Variants in LAMA3 observed in about 807,000 individuals in gnomAD.
LAMA3 encodes laminin subunit alpha-3.
A neutral mutation model predicts 402.0 loss-of-function variants in LAMA3; 281 were observed. That is an observed-to-expected ratio of 0.70 (90% CI 0.63 to 0.77). The LOEUF is 0.77. Ranked by LOEUF, LAMA3 falls within the 30% of genes least tolerant of loss-of-function variation. The pLI, the probability that LAMA3 is intolerant of heterozygous loss-of-function variation, is 0.00. For synonymous variants in LAMA3, 1,431 were observed against 1,558.4 expected, an observed-to-expected ratio of 0.92 and a Z score of 1.93; for missense variants, 3,840 against 4,215.5, an observed-to-expected ratio of 0.91 and a Z score of 2.47.
intron 18 of LAMA3, among the ~76,000 whole-genome samples, chr18:23,817,280 C>T (rs575223450): frequency 1.3e-5 from 2 of 152,304 alleles, no homozygotes; most frequent in South Asian, 2.1e-4. Context: ...ATGTTTCATC[C>T]ATGATTTTTC....
chr18:23,946,490 C>T (rs773583222), intron 70 of LAMA3: 149 of 622,340 alleles, frequency 2.4e-4, no homozygotes, highest in Middle Eastern at 1.3e-3. Context: ...CAGGTTGAGA[C>T]GCAGGCCCTG....
At chr18:23,940,727 G>A (rs2082472638) in intron 68 of LAMA3, among the ~76,000 whole-genome samples, 1 of 152,170 alleles carries the variant, frequency 6.6e-6, no homozygotes, top group Non-Finnish European at 1.5e-5. Context: ...GAAAGCCTGT[G>A]TGGACAGCTC....
rs189839869 is a variant in LAMA3, at chr18:23,851,297, G to A, written c.4136+3629G>A. On this transcript the variant is annotated intron_variant, in intron 32 of 74. Coordinates refer to ENST00000313654, the MANE Select transcript of LAMA3 (RefSeq NM_198129.4). ...CGACCTCTGTCGTCCTTCGTCTCCT[G>A]TAATACTGGCATCTTCTTCTAACCT... 6.6e-5 allele frequency among the ~76,000 whole-genome samples: 10 copies of A among 152,314 alleles called. No homozygotes were observed. The East Asian group carries it at 1.5e-3, about 23-fold the overall frequency.
intron 8 of LAMA3, among the ~76,000 whole-genome samples, chr18:23,770,168 T>C (rs2062164046): frequency 2.6e-5 from 4 of 152,204 alleles, no homozygotes; most frequent in Admixed American, 2.6e-4. Context: ...AATACCATCC[T>C]ATTGGCAATT....
chr18:23,821,094 A>G (rs1431404357), intron 19 of LAMA3, among the ~76,000 whole-genome samples: 1 of 152,200 alleles, frequency 6.6e-6, no homozygotes, highest in African/African-American at 2.4e-5. Flanking sequence ...TGACAACCCA[A>G]TCAAAGGGTA....
intron 21 of LAMA3, 105 bp downstream of exon 21, chr18:23,824,670 T>C (rs780923501): frequency 2.3e-6 from 3 of 1,313,562 alleles, no homozygotes; most frequent in Non-Finnish European, 3.3e-6. Flanking sequence ...ATCACAATCA[T>C]TGGTGGTTTT....
At chr18:23,797,791 C>G (rs959298839) in intron 12 of LAMA3, among the ~76,000 whole-genome samples, 1 of 151,946 alleles carries the variant, frequency 6.6e-6, no homozygotes, top group African/African-American at 2.4e-5. Flanking sequence ...CAACTGTAGT[C>G]CTGGATTTAT....
chr18:23,774,736 C>T (rs2143885735), intron 9 of LAMA3, among the ~76,000 whole-genome samples: 1 of 152,298 alleles, frequency 6.6e-6, no homozygotes, highest in South Asian at 2.1e-4. Flanking sequence ...ATTAATCATA[C>T]CATTAACATT....
chr18:23,804,001 G>A (rs1329607357), intron 12 of LAMA3, among the ~76,000 whole-genome samples: 1 of 152,164 alleles, frequency 6.6e-6, no homozygotes, highest in African/African-American at 2.4e-5. Context: ...ATGCTGCTGT[G>A]CTTGCCCAAC....
chr18:23,846,197 C>T (rs1476234824), intron 30 of LAMA3, 100 bp from the exon 31 acceptor site: 1 of 1,176,540 alleles, frequency 8.5e-7, no homozygotes, highest in African/African-American at 1.5e-5. Flanking sequence ...GAGCCCGTCC[C>T]ACAGATGCTG....
chr18:23,867,564 A>G (rs900582362), intron 36 of LAMA3, among the ~76,000 whole-genome samples: 6 of 151,776 alleles, frequency 4.0e-5, no homozygotes, highest in Non-Finnish European at 7.4e-5. Flanking sequence ...AAAAAAAAAA[A>G]AAAAGAAAAA....
intron 12 of LAMA3, among the ~76,000 whole-genome samples, chr18:23,786,235 A>G (rs956018483): frequency 1.2e-4 from 18 of 151,974 alleles, no homozygotes; most frequent in African/African-American, 3.9e-4. Context: ...TGTTTTATAG[A>G]AGATCTACCC....
intron 8 of LAMA3, among the ~76,000 whole-genome samples, chr18:23,771,474 T>G (rs1260792606): frequency 6.6e-6 from 1 of 152,314 alleles, no homozygotes; most frequent in East Asian, 1.9e-4. Context: ...TATATCTAGA[T>G]AAGGAATTGG....
Position 23,918,935 on chromosome 18 carries a change from A to G in LAMA3, c.7924-2000A>G, listed in dbSNP as rs1402855265. ...AGTTCTGATGGTTTGGGAAGGTCCC[A>G]GCCAGCCTGAAGGATACATAGAGCA... On this transcript the variant is annotated intron_variant, in intron 60 of 74. Transcript: ENST00000313654. The surrounding 1 kb of genome is among the most constrained non-coding windows in gnomAD (Gnocchi z 4.1). Among the ~76,000 whole-genome samples, 3 of 152,342 alleles carry G rather than the reference A, an allele frequency of 2.0e-5. No individual in the cohort carries two copies. The highest frequency in any genetic ancestry group is 2.0e-4 in the Admixed American group (3 of 15,290).
intron 39 of LAMA3, among the ~76,000 whole-genome samples, chr18:23,881,108 C>T (rs2064880880): frequency 6.6e-6 from 1 of 152,110 alleles, no homozygotes; most frequent in South Asian, 2.1e-4. Context: ...TAGGGTAACA[C>T]CAAGAAAATA....
At position 23,947,812 on chromosome 18, in the gene LAMA3, C is replaced by CT. The variant is rs35106056; in HGVS notation, c.9351+1545dup. ...TTTTCTCAACCTCTGTTCCTATTTT[C>CT]TTTTTTTTTTTTTTTTTGAGACGGA... On this transcript the variant is annotated intron_variant, in intron 70 of 74. Coordinates refer to ENST00000313654, the MANE Select transcript of LAMA3 (RefSeq NM_198129.4). Among the ~76,000 whole-genome samples, 121 of 110,456 alleles carry CT rather than the reference C, an allele frequency of 1.1e-3. 1 individual carries two copies. Among genetic ancestry groups the CT allele is most frequent in the South Asian group, 8.4e-3 (28 of 3,336 alleles). 72.5% of individuals were successfully genotyped at this position (110,456 alleles called of 152,430 possible).
At chr18:23,939,503 C>T (rs1050113815) in intron 68 of LAMA3, 117 bp downstream of exon 68, 1 of 1,099,896 alleles carries the variant, frequency 9.1e-7, no homozygotes, top group East Asian at 2.4e-5. Context: ...GTGGCACTAC[C>T]ATTTTTGTGC....
intron 2 of LAMA3, among the ~76,000 whole-genome samples, chr18:23,718,657 C>T (rs2061154678): frequency 6.6e-6 from 1 of 152,264 alleles, no homozygotes; most frequent in African/African-American, 2.4e-5. Flanking sequence ...GATGTGGCTG[C>T]AGGAGCAGAG....
chr18:23,693,946 G>C (rs909516013), intron 1 of LAMA3, among the ~76,000 whole-genome samples: 4 of 152,172 alleles, frequency 2.6e-5, no homozygotes, highest in Non-Finnish European at 4.4e-5. Flanking sequence ...CTGGCCAAGC[G>C]GGTGAGTAGG....
Sources: allele counts gnomAD v4.1 joint callset (sites outside exome capture counted in the v4.1 genomes callset), GRCh38; gene constraint gnomAD v4.1.1; non-coding constraint Gnocchi (gnomAD v3.1); transcripts MANE v1.5; gene names NCBI Gene and HGNC (gene_info 2026-07-23, HGNC 2026-07-21).